STK3: variants seen among roughly 807,000 people sequenced by gnomAD.
The protein encoded by STK3 is serine/threonine kinase 3, also known as serine/threonine-protein kinase 3.
A neutral mutation model predicts 58.0 loss-of-function variants in STK3; 41 were observed. The ratio of observed to expected loss-of-function variants is 0.71; its 90% CI spans 0.55 to 0.92. STK3 has a LOEUF of 0.92. Among genes scored for constraint, STK3 ranks in the 40% least tolerant of loss-of-function variants. STK3 has a pLI of 0.00. For synonymous variants in STK3, 170 were observed against 191.0 expected (o/e 0.89, Z 0.91); for missense variants, 479 against 602.7 (o/e 0.79, Z 2.15).
chr8:98,645,681 T>C (rs1159747379), intron 6 of STK3, among the ~76,000 whole-genome samples: 1 of 152,162 alleles, frequency 6.6e-6, no homozygotes, highest in Non-Finnish European at 1.5e-5. Context: ...ACAAAGTTGA[T>C]ATTCAGTAAA....
chr8:98,700,758 C>G lies in STK3; in HGVS notation c.684+5709G>C, dbSNP rs185604014. 6.0e-4 allele frequency among the ~76,000 whole-genome samples: 92 copies of G among 152,200 alleles called. 1 individual carries two copies. The highest frequency in any genetic ancestry group is 2.1e-3 in the African/African-American group (86 of 41,522). Reference sequence around the variant, plus strand: ...TCTATTTTCTTTCCTTTGCCTGATTCAAGAAATCATCAGGTACTTCTCCTG... The same window carrying G: ...TCTATTTTCTTTCCTTTGCCTGATTGAAGAAATCATCAGGTACTTCTCCTG... On this transcript the variant is annotated intron_variant, in intron 6 of 10. Transcript: ENST00000419617.
chr8:98,734,537 T>C (rs1301988356), intron 4 of STK3, among the ~76,000 whole-genome samples: 1 of 152,168 alleles, frequency 6.6e-6, no homozygotes, highest in Non-Finnish European at 1.5e-5. Context: ...ATCCAAAATA[T>C]AGACTCTATT....
chr8:98,728,412 T>C (rs556120944), intron 4 of STK3, among the ~76,000 whole-genome samples: 1 of 152,234 alleles, frequency 6.6e-6, no homozygotes, highest in East Asian at 1.9e-4. Flanking sequence ...TGCACATGTC[T>C]GGCAAGGAAA....
intron 1 of STK3, among the ~76,000 whole-genome samples, chr8:98,811,744 C>T (rs1185445073): frequency 6.6e-6 from 1 of 152,160 alleles, no homozygotes; most frequent in African/African-American, 2.4e-5. Context: ...GGAGTCTGAT[C>T]TTGAATCCAC....
At chr8:98,353,602 C>T in the STK3 span, among the ~76,000 whole-genome samples, 1 of 152,152 alleles carries the variant, frequency 6.6e-6, no homozygotes, top group Admixed American at 6.5e-5. Context: ...ATTTCAAAAT[C>T]CAAAAAACTT....
intron 1 of STK3, among the ~76,000 whole-genome samples, chr8:98,821,204 A>T (rs560790953): frequency 6.6e-6 from 1 of 152,128 alleles, no homozygotes; most frequent in Non-Finnish European, 1.5e-5. Flanking sequence ...CATCAGTAGC[A>T]TTAGATTCTC....
At chr8:98,570,999 C>T (rs984351132) in intron 8 of STK3, among the ~76,000 whole-genome samples, 1 of 152,158 alleles carries the variant, frequency 6.6e-6, no homozygotes, top group Non-Finnish European at 1.5e-5. Flanking sequence ...AATTCTCCTG[C>T]TGTTCTTTTC....
At chr8:98,373,969 A>T (rs1237272863) in intron 2 of STK3, among the ~76,000 whole-genome samples, 1 of 152,074 alleles carries the variant, frequency 6.6e-6, no homozygotes, top group Non-Finnish European at 1.5e-5. Flanking sequence ...CATATTGCTG[A>T]TTTATGGAGG....
At chr8:98,718,512 C>A (rs1166701275) in intron 4 of STK3, among the ~76,000 whole-genome samples, 1 of 152,148 alleles carries the variant, frequency 6.6e-6, no homozygotes, top group Non-Finnish European at 1.5e-5. Flanking sequence ...TAAAGCTGCA[C>A]CATCCAACAG....
intron 10 of STK3, among the ~76,000 whole-genome samples, chr8:98,517,013 C>T (rs191607388): frequency 2.6e-5 from 4 of 152,052 alleles, no homozygotes; most frequent in Non-Finnish European, 5.9e-5. Context: ...ATTAATAATA[C>T]TATACTGCAT....
chr8:98,704,051 A>G (rs1027430123), intron 6 of STK3, among the ~76,000 whole-genome samples: 2 of 152,248 alleles, frequency 1.3e-5, no homozygotes, highest in African/African-American at 4.8e-5. Context: ...AACAACAATA[A>G]TCTGAAAAAA....
At chr8:98,463,695 T>C (rs757107360) in intron 10 of STK3, among the ~76,000 whole-genome samples, 8 of 152,150 alleles carry the variant, frequency 5.3e-5, no homozygotes, top group Non-Finnish European at 1.2e-4. Flanking sequence ...ACTTACTTCA[T>C]AAAATAATTC....
At chr8:98,936,027 C>A (rs1840181785) in intron 1 of STK3, among the ~76,000 whole-genome samples, 1 of 152,086 alleles carries the variant, frequency 6.6e-6, no homozygotes, top group Non-Finnish European at 1.5e-5. Flanking sequence ...TGCCATTCTC[C>A]CACTTCAGCC....
At chr8:98,577,615 G>C (rs1173530881) in intron 8 of STK3, among the ~76,000 whole-genome samples, 1 of 152,166 alleles carries the variant, frequency 6.6e-6, no homozygotes, top group Non-Finnish European at 1.5e-5. Flanking sequence ...CTCACTCTGA[G>C]AGCCCCTGAA....
chr8:98,402,706 G>A (rs901467433), intron 3 of STK3, among the ~76,000 whole-genome samples: 2 of 152,190 alleles, frequency 1.3e-5, no homozygotes, highest in African/African-American at 4.8e-5. Flanking sequence ...CCAGCCAGGC[G>A]AGGAGGACAT....
intron 6 of STK3, among the ~76,000 whole-genome samples, chr8:98,623,716 C>T (rs1383153504): frequency 2.6e-5 from 4 of 152,122 alleles, no homozygotes; most frequent in South Asian, 2.1e-4. Flanking sequence ...CTCAGGAGGT[C>T]GCGGCTGCAG....
At chr8:98,777,281 C>T (rs1831756789) in intron 1 of STK3, among the ~76,000 whole-genome samples, 1 of 152,152 alleles carries the variant, frequency 6.6e-6, no homozygotes, top group South Asian at 2.1e-4. Context: ...TATTCCAGCA[C>T]TTTGGGAGGC....
At chr8:98,525,984 T>TG (rs1409157704) in intron 10 of STK3, among the ~76,000 whole-genome samples, 7 of 151,852 alleles carry the variant, frequency 4.6e-5, no homozygotes, top group Admixed American at 4.6e-4. Context: ...TTATTTTGTT[T>TG]GGGAAAAAAA....
rs563179425 is a variant in STK3, at chr8:98,737,417, T to C, written c.351+11859A>G. On this transcript the variant is annotated intron_variant, in intron 4 of 10. Transcript: ENST00000419617. Reference sequence around the variant, plus strand: ...AGATTAAGAGAAATAAATGGGGTACTAGGCAAGAATAATACAAAATGTCAC... The same window carrying C: ...AGATTAAGAGAAATAAATGGGGTACCAGGCAAGAATAATACAAAATGTCAC... Among the ~76,000 whole-genome samples the C allele has an allele frequency of 4.3e-4, 66 of 152,220 alleles. No individual in the cohort carries two copies. In the Middle Eastern group the frequency reaches 0.01, roughly 24 times the overall value.
Sources: gnomAD v4.1 joint callset for allele counts (sites outside exome capture counted in the v4.1 genomes callset) on GRCh38, gnomAD v4.1.1 for gene constraint, MANE v1.5 for transcripts, NCBI Gene and HGNC (gene_info 2026-07-23, HGNC 2026-07-21) for gene names.